ELMO1: variants seen among roughly 807,000 people sequenced by gnomAD.
ELMO1 encodes the protein engulfment and cell motility protein 1.
Under a neutral mutation model 98.9 loss-of-function variants are expected in ELMO1, and 26 were observed. The observed-to-expected ratio is 0.26, with a 90% CI of 0.19 to 0.36. ELMO1 has a LOEUF of 0.36. Ranked by LOEUF, ELMO1 falls within the 10% of genes least tolerant of loss-of-function variation. The pLI is 1.00. For synonymous variants in ELMO1, 346 were observed against 346.0 expected (o/e 1.00, Z 0.00); for missense variants, 627 against 935.2 (o/e 0.67, Z 4.30).
intron 1 of ELMO1, among the ~76,000 whole-genome samples, chr7:37,352,464 G>A (rs1178141366): frequency 6.6e-6 from 1 of 152,174 alleles, no homozygotes; most frequent in Non-Finnish European, 1.5e-5. Context: ...AACGTAACAC[G>A]TGTTCTGTGA....
At chr7:37,106,784 T>C (rs1431806213) in intron 14 of ELMO1, among the ~76,000 whole-genome samples, 1 of 152,122 alleles carries the variant, frequency 6.6e-6, no homozygotes, top group African/African-American at 2.4e-5. Flanking sequence ...CCACACACAC[T>C]TCATTGTAAT....
At chr7:37,301,903 AT>A (rs2131026380) in intron 4 of ELMO1, among the ~76,000 whole-genome samples, 2 of 152,274 alleles carry the variant, frequency 1.3e-5, no homozygotes, top group East Asian at 3.9e-4. Flanking sequence ...TGTTTGTATG[AT>A]GCACACTTTC....
intron 4 of ELMO1, among the ~76,000 whole-genome samples, chr7:37,278,055 C>A (rs369342237): frequency 4.0e-5 from 6 of 150,196 alleles, no homozygotes; most frequent in South Asian, 2.1e-4. Flanking sequence ...AAAGACCCAA[C>A]TAAACCAAAC....
chr7:37,211,491 A>G lies in ELMO1; in HGVS notation c.981T>C (p.Leu327=), dbSNP rs1792969045. 6.2e-7 allele frequency: 1 copy of G among 1,613,908 alleles called. No homozygotes were observed. Among genetic ancestry groups the G allele is most frequent in the South Asian group, 1.1e-5 (1 of 91,090 alleles). The part of the protein sequence containing the change: ...DQAQRDIIFE[L]RRIAFDAESE... ...ACTCAGCATCAAAAGCAATTCTTCG[A>G]AGTTCAAATATGATGTCCCTCTGAG... Residue 327 remains leucine, a synonymous_variant, in exon 13 of 22, where the codon CTT becomes CTC. Transcript: ENST00000310758.
intron 1 of ELMO1, among the ~76,000 whole-genome samples, chr7:37,385,793 A>G (rs1381458724): frequency 6.6e-6 from 1 of 152,242 alleles, no homozygotes; most frequent in Admixed American, 6.5e-5. Context: ...ACAAAATACG[A>G]AGGGGCGGCC....
chr7:37,068,571 A>G (rs1264469413), intron 15 of ELMO1, among the ~76,000 whole-genome samples: 1 of 152,226 alleles, frequency 6.6e-6, no homozygotes. Context: ...AAGAAAATCA[A>G]TTTCATAAAA....
chr7:37,176,994 T>C (rs763863823), intron 13 of ELMO1, among the ~76,000 whole-genome samples: 3 of 152,212 alleles, frequency 2.0e-5, no homozygotes, highest in Non-Finnish European at 4.4e-5. Flanking sequence ...TAGATGTATC[T>C]TCCAGTGGGA....
At chr7:37,282,964 A>C (rs1240329907) in intron 4 of ELMO1, among the ~76,000 whole-genome samples, 1 of 152,256 alleles carries the variant, frequency 6.6e-6, no homozygotes, top group Non-Finnish European at 1.5e-5. Flanking sequence ...AGAAAGAACA[A>C]GTATTAAGAG....
intron 15 of ELMO1, among the ~76,000 whole-genome samples, chr7:37,039,403 C>T (rs1351756930): frequency 1.3e-5 from 2 of 152,224 alleles, no homozygotes; most frequent in African/African-American, 2.4e-5. Flanking sequence ...TTCTAGCAGG[C>T]TCCTGCTCGT....
intron 14 of ELMO1, among the ~76,000 whole-genome samples, chr7:37,130,290 T>C (rs1414873596): frequency 1.3e-5 from 2 of 152,138 alleles, no homozygotes; most frequent in Middle Eastern, 3.2e-3. Flanking sequence ...TCTTGAGGAA[T>C]CCCCATCCTT....
intron 1 of ELMO1, among the ~76,000 whole-genome samples, chr7:37,442,706 A>G (rs944067841): frequency 1.3e-5 from 2 of 152,214 alleles, no homozygotes; most frequent in African/African-American, 4.8e-5. Flanking sequence ...ACTCTGAAGA[A>G]CTAGGACTCA....
intron 1 of ELMO1, among the ~76,000 whole-genome samples, chr7:37,377,229 C>T (rs1021289506): frequency 8.5e-5 from 13 of 152,170 alleles, no homozygotes; most frequent in African/African-American, 2.9e-4. Flanking sequence ...ATTGCTTTTG[C>T]ACCACTGAAC....
chr7:36,964,666 C>T (rs1789257058), intron 16 of ELMO1, among the ~76,000 whole-genome samples: 1 of 151,798 alleles, frequency 6.6e-6, no homozygotes, highest in Non-Finnish European at 1.5e-5. Flanking sequence ...GTTTTTTCTA[C>T]TCTGGCTTTT....
At chr7:37,099,464 T>C (rs1054261857) in intron 14 of ELMO1, among the ~76,000 whole-genome samples, 4 of 152,222 alleles carry the variant, frequency 2.6e-5, no homozygotes, top group Non-Finnish European at 5.9e-5. Context: ...TTTGGAAATA[T>C]CAAAGCATAT....
chr7:37,448,502 G>A (rs1350695624), intron 1 of ELMO1, among the ~76,000 whole-genome samples, 173 bp downstream of exon 1: 1 of 151,808 alleles, frequency 6.6e-6, no homozygotes, highest in Non-Finnish European at 1.5e-5. Flanking sequence ...CGAGCGCGGC[G>A]GCCACCCCCG....
intron 13 of ELMO1, among the ~76,000 whole-genome samples, chr7:37,197,961 A>G (rs1792069177): frequency 6.6e-6 from 1 of 152,170 alleles, no homozygotes; most frequent in Non-Finnish European, 1.5e-5. Flanking sequence ...GAGTCATCCA[A>G]TTGAAAAATG....
At chr7:37,247,731 C>T (rs374027049) in intron 6 of ELMO1, among the ~76,000 whole-genome samples, 10 of 152,210 alleles carry the variant, frequency 6.6e-5, no homozygotes, top group East Asian at 3.9e-4. Context: ...TAGGAGGAGA[C>T]GGGCCACCTG....
chr7:37,192,970 GATATATATATATATATATATATATAT>G (rs374892700), intron 13 of ELMO1, among the ~76,000 whole-genome samples: 1 of 40,098 alleles, frequency 2.5e-5, no homozygotes, highest in African/African-American at 6.4e-5. Context: ...ATATATAGGA[GATATATATATATATATATATATATAT>G]ATATATATAT....
intron 1 of ELMO1, among the ~76,000 whole-genome samples, chr7:37,422,180 T>A (rs1804502784): frequency 6.6e-6 from 1 of 152,170 alleles, no homozygotes; most frequent in African/African-American, 2.4e-5. Flanking sequence ...CTCATCCTCA[T>A]CCCAATTTGA....
Sources: allele counts gnomAD v4.1 joint callset (sites outside exome capture counted in the v4.1 genomes callset), GRCh38; gene constraint gnomAD v4.1.1; transcripts MANE v1.5; gene names NCBI Gene and HGNC (gene_info 2026-07-23, HGNC 2026-07-21).